SRGAP3: variants seen among roughly 807,000 people sequenced by gnomAD.
The protein encoded by SRGAP3 is SLIT-ROBO Rho GTPase activating protein 3.
SRGAP3 carries 39 observed loss-of-function variants against 121.1 expected under a neutral mutation model. That is an observed-to-expected ratio of 0.32 (90% CI 0.25 to 0.42). The LOEUF (loss-of-function observed/expected upper bound fraction) is 0.42. Among genes scored for constraint, SRGAP3 ranks in the 10% least tolerant of loss-of-function variants. The pLI is 1.00. For missense variants in SRGAP3, 1,213 were observed against 1,470.6 expected, an observed-to-expected ratio of 0.82 and a Z score of 2.86; for synonymous variants, 601 against 570.0, an observed-to-expected ratio of 1.05 and a Z score of -0.77.
At chr3:9,023,191 T>C (rs901891626) in intron 14 of SRGAP3, among the ~76,000 whole-genome samples, 2 of 151,698 alleles carry the variant, frequency 1.3e-5, no homozygotes, top group African/African-American at 2.4e-5. Flanking sequence ...TGACAAGGCA[T>C]TCTGTATAAT....
intron 3 of SRGAP3, among the ~76,000 whole-genome samples, chr3:9,321,399 A>G (rs1559276302): frequency 6.6e-6 from 1 of 151,966 alleles, no homozygotes; most frequent in African/African-American, 2.4e-5. Context: ...TTATATAGCA[A>G]TAGATAACTA....
intron 3 of SRGAP3, among the ~76,000 whole-genome samples, chr3:9,274,906 C>T (rs1403662897): frequency 6.6e-6 from 1 of 152,196 alleles, no homozygotes; most frequent in African/African-American, 2.4e-5. Context: ...CTCTCTCTGC[C>T]AGCTGAGCCT....
chr3:9,032,899 G>A (rs997326431), intron 11 of SRGAP3, 147 bp from the exon 12 acceptor site: 7 of 735,388 alleles, frequency 9.5e-6, no homozygotes, highest in Non-Finnish European at 1.6e-5. Context: ...GGTTTCCAAT[G>A]TTCCATCTGA....
intron 1 of SRGAP3, among the ~76,000 whole-genome samples, chr3:9,204,053 TCCA>T (rs1952175698): frequency 6.6e-6 from 1 of 152,120 alleles, no homozygotes; most frequent in Non-Finnish European, 1.5e-5. Context: ...AGCACTTGTC[TCCA>T]CCACCACCAC....
chr3:9,108,482 G>C (rs1382607307), intron 2 of SRGAP3, among the ~76,000 whole-genome samples: 1 of 152,096 alleles, frequency 6.6e-6, no homozygotes, highest in East Asian at 1.9e-4. Flanking sequence ...GCTGGGCATA[G>C]TGGCACACAC....
chr3:9,320,680 G>A (rs563702621), intron 3 of SRGAP3, among the ~76,000 whole-genome samples: 7 of 151,834 alleles, frequency 4.6e-5, no homozygotes, highest in African/African-American at 1.7e-4. Context: ...TTTCTTTATA[G>A]CAGTGCAAGA....
chr3:9,012,896 T>G (rs917843519), intron 17 of SRGAP3, among the ~76,000 whole-genome samples: 10 of 152,174 alleles, frequency 6.6e-5, no homozygotes, highest in African/African-American at 2.4e-4. Context: ...GATCTTGAGT[T>G]GCTGGTTGCC....
chr3:9,207,965 TC>T lies in SRGAP3; in HGVS notation c.67+40919del, dbSNP rs568158038. 3.5e-4 allele frequency among the ~76,000 whole-genome samples: 53 copies of T among 152,274 alleles called. No individual in the cohort carries two copies. In the Middle Eastern group the frequency reaches 0.01, roughly 29 times the overall value. ...GCCTGTCTCACTGCGGAGTCTGAGC[TC>T]CTTCTGCTCTGTTACCTGAACCTCT... On this transcript the variant is annotated intron_variant, in intron 1 of 21. Coordinates refer to ENST00000383836, the MANE Select transcript of SRGAP3 (RefSeq NM_014850.4).
chr3:9,353,318 G>A lies in SRGAP3; in HGVS notation n.214+9522C>T, dbSNP rs577235686. Among the ~76,000 whole-genome samples, 22 of 152,336 alleles carry A rather than the reference G, an allele frequency of 1.4e-4. 1 individual carries two copies. Among genetic ancestry groups the A allele is most frequent in the Admixed American group, 1.1e-3 (17 of 15,304 alleles). Reference sequence around the variant, plus strand: ...TACTAACTCAATTTGTGTTTTCTGTGCTTTGCAAAAGCAGTGTTTCAGCAG... The same window carrying A: ...TACTAACTCAATTTGTGTTTTCTGTACTTTGCAAAAGCAGTGTTTCAGCAG... On this transcript the variant is annotated intron_variant and non_coding_transcript_variant, in intron 1 of 3. Coordinates refer to the SRGAP3 transcript ENST00000490889.
chr3:9,000,048 G>A (rs1393288314), intron 18 of SRGAP3, among the ~76,000 whole-genome samples: 1 of 152,174 alleles, frequency 6.6e-6, no homozygotes, highest in African/African-American at 2.4e-5. Context: ...CAAGCTTGGG[G>A]AGATGGAGGC....
At chr3:9,182,201 A>AAAC (rs1951434977) in intron 1 of SRGAP3, among the ~76,000 whole-genome samples, 4 of 139,566 alleles carry the variant, frequency 2.9e-5, no homozygotes, top group African/African-American at 1.0e-4. Flanking sequence ...AAAAAAAAAA[A>AAAC]CACAAAAAAG....
intron 3 of SRGAP3, chr3:9,081,301 G>A (rs1199013801): frequency 6.6e-6 from 3 of 456,656 alleles, no homozygotes; most frequent in South Asian, 3.1e-5. Flanking sequence ...CTCTCAAGAT[G>A]TCTCTTCCAA....
rs1943473800 is a variant in SRGAP3, at chr3:9,013,497, T to C, written c.1958A>G (p.Tyr653Cys). ...AGGCCCGAAGCAGATGGCCAGGTTGTAGGGATCCATCATGTTCTCGTCGCT... is the reference window on the plus strand; with the variant it reads ...AGGCCCGAAGCAGATGGCCAGGTTGCAGGGATCCATCATGTTCTCGTCGCT... ...QYSDENMMDP[Y>C]NLAICFGPTL... The change falls in exon 17 of 22, where the codon TAC becomes TGC. Residue 653 changes from tyrosine (Y) to cysteine (C), a missense_variant. This residue lies in a region of SRGAP3 where 793 missense variants were observed against 1,032.9 expected (regional missense o/e 0.77). Coordinates refer to ENST00000383836, the MANE Select transcript of SRGAP3 (RefSeq NM_014850.4). 6.2e-7 allele frequency: 1 copy of C among 1,614,054 alleles called. No homozygotes were observed.
intron 1 of SRGAP3, among the ~76,000 whole-genome samples, chr3:9,341,287 T>A (rs1575018261): frequency 1.3e-5 from 2 of 151,978 alleles, no homozygotes; most frequent in Middle Eastern, 6.8e-3. Flanking sequence ...CACTGAAGGT[T>A]CCTAGAACAG....
At chr3:9,046,337 G>C (rs546157699) in intron 10 of SRGAP3, among the ~76,000 whole-genome samples, 18 of 152,252 alleles carry the variant, frequency 1.2e-4, no homozygotes, top group Admixed American at 5.2e-4. Flanking sequence ...TGACTGAAAT[G>C]CTCTACCCCC....
chr3:8,986,647 C>T (rs1941722875), intron 21 of SRGAP3, among the ~76,000 whole-genome samples: 1 of 152,156 alleles, frequency 6.6e-6, no homozygotes, highest in Non-Finnish European at 1.5e-5. Flanking sequence ...AGAAAAATTT[C>T]TTGGAGATTA....
intron 1 of SRGAP3, among the ~76,000 whole-genome samples, chr3:9,172,930 C>T (rs1336305976): frequency 6.6e-6 from 1 of 152,136 alleles, no homozygotes; most frequent in Non-Finnish European, 1.5e-5. Context: ...ACAGGGACGC[C>T]GCAGGCAGGA....
chr3:9,267,058 T>C (rs1368115765), intron 3 of SRGAP3, among the ~76,000 whole-genome samples: 4 of 152,144 alleles, frequency 2.6e-5, no homozygotes, highest in Admixed American at 6.5e-5. Context: ...GGCTGAATAA[T>C]ATATATTTTG....
At chr3:9,343,666 T>C (rs901966457) in intron 1 of SRGAP3, among the ~76,000 whole-genome samples, 20 of 152,204 alleles carry the variant, frequency 1.3e-4, no homozygotes, top group Non-Finnish European at 1.8e-4. Context: ...CATACTCTTA[T>C]ATGCTCTACT....
Sources: allele counts gnomAD v4.1 joint callset (sites outside exome capture counted in the v4.1 genomes callset), GRCh38; gene constraint gnomAD v4.1.1; regional missense constraint gnomAD v4.1.1; transcripts MANE v1.5; gene names NCBI Gene and HGNC (gene_info 2026-07-23, HGNC 2026-07-21).